The following DOP1B variants were observed in gnomAD, a reference collection of about 807,000 sequenced individuals.
DOP1B encodes the protein protein DOP1B.
A neutral mutation model predicts 233.5 loss-of-function variants in DOP1B; 174 were observed. The observed-to-expected ratio is 0.75, with a 90% CI of 0.66 to 0.85. DOP1B has a LOEUF of 0.85. Among genes scored for constraint, DOP1B ranks in the 40% least tolerant of loss-of-function variants. The pLI is 0.00. For missense variants in DOP1B, 2,652 were observed against 2,846.6 expected (o/e 0.93, Z 1.56); for synonymous variants, 1,190 against 1,185.6 (o/e 1.00, Z -0.08).
chr21:36,289,032 T>A lies in DOP1B; in HGVS notation c.6354-13T>A, dbSNP rs770312489. ...AATGAATTTATAACAAGCGTTTCTT[T>A]GCAAATTTATAGAAGCACCAACAAA... On this transcript the variant is annotated splice_polypyrimidine_tract_variant and intron_variant, in intron 34 of 36. Transcript: ENST00000691173. The A allele has an allele frequency of 2.5e-6, 4 of 1,609,902 alleles. No individual in the cohort carries two copies. The highest frequency in any genetic ancestry group is 3.4e-6 in the Non-Finnish European group (4 of 1,178,596).
In DOP1B at chr21:36,288,993, C is replaced by T. The variant is rs1170308234; in HGVS notation, c.6354-52C>T. On this transcript the variant is annotated intron_variant, in intron 34 of 36. Coordinates refer to ENST00000691173, the MANE Select transcript of DOP1B (RefSeq NM_001320714.2). ...GAGGGACAGGTCATAGGTGAATGGA[C>T]TATAACAGATCTGAATGAATTTATA... 3.1e-6 allele frequency: 5 copies of T among 1,598,512 alleles called. No individual in the cohort carries two copies. In the African/African-American group the frequency reaches 6.8e-5, roughly 22 times the overall value.
In DOP1B at chr21:36,293,850, G is replaced by A. The variant is rs1405152964; in HGVS notation, c.*279G>A. Reference sequence around the variant, plus strand: ...ATACAAAAATTAGCTGGGTGTGGTGGCGGCGCCTGTAATCCCAGCTACTTG... The same window carrying A: ...ATACAAAAATTAGCTGGGTGTGGTGACGGCGCCTGTAATCCCAGCTACTTG... On this transcript the variant is annotated 3_prime_UTR_variant, in exon 37 of 37. Transcript: ENST00000691173. 2 of 320,990 alleles carry A rather than the reference G, an allele frequency of 6.2e-6. No homozygotes were observed. Among genetic ancestry groups the A allele is most frequent in the South Asian group, 3.2e-5 (1 of 31,300 alleles). The allele number at this position is 320,990 out of a possible 1,614,324, so 19.9% of individuals were successfully genotyped here.
chr21:36,199,546 C>T (rs967701309), intron 3 of DOP1B, among the ~76,000 whole-genome samples: 1 of 152,056 alleles, frequency 6.6e-6, no homozygotes, highest in African/African-American at 2.4e-5. Context: ...ATTAACTCGT[C>T]ATTTACATTA....
chr21:36,256,569 TGTGTCTCA>T (rs1467643971), intron 23 of DOP1B, among the ~76,000 whole-genome samples: 1 of 152,202 alleles, frequency 6.6e-6, no homozygotes, highest in Non-Finnish European at 1.5e-5. Context: ...GCAATCCCTG[TGTGTCTCA>T]GTGGGTGTGC....
At chr21:36,253,638 A>C (rs544360142) in intron 22 of DOP1B, 134 bp from the exon 23 acceptor site, 38 of 242,992 alleles carry the variant, frequency 1.6e-4, no homozygotes, top group Admixed American at 1.3e-3. Context: ...ACCGTGTTTC[A>C]AAAAAAAAAA....
intron 22 of DOP1B, 27 bp downstream of exon 22, chr21:36,251,311 G>A (rs1314510589): frequency 4.4e-6 from 7 of 1,597,878 alleles, no homozygotes; most frequent in Non-Finnish European, 6.0e-6. Context: ...TACAGGAGTG[G>A]TTAAACTTAC....
chr21:36,229,879 T>C (rs2066738566), intron 13 of DOP1B, among the ~76,000 whole-genome samples: 1 of 151,844 alleles, frequency 6.6e-6, no homozygotes, highest in Non-Finnish European at 1.5e-5. Flanking sequence ...GCCATGCTGG[T>C]CTTGAGCTCC....
intron 1 of DOP1B, among the ~76,000 whole-genome samples, chr21:36,160,313 T>C (rs2065857969): frequency 6.6e-6 from 1 of 151,912 alleles, no homozygotes; most frequent in African/African-American, 2.4e-5. Flanking sequence ...GGCGGTCTTA[T>C]TTTGTGGGTG....
rs111309143 is a variant in DOP1B, at chr21:36,239,762, C to T, written c.2877-3C>T. The T allele has an allele frequency of 1.2e-3, 1,834 of 1,530,718 alleles. 21 individuals carry two copies. In the African/African-American group the frequency reaches 0.022, roughly 18 times the overall value. 94.8% of individuals were successfully genotyped at this position (1,530,718 alleles called of 1,614,324 possible). Reference sequence around the variant, plus strand: ...GAACTCACTGGTGTGTTTCCCACTGCAGGTCCTTGTTTGTCGTGCTGGACA... The same window carrying T: ...GAACTCACTGGTGTGTTTCCCACTGTAGGTCCTTGTTTGTCGTGCTGGACA... On this transcript the variant is annotated splice_polypyrimidine_tract_variant and splice_region_variant and intron_variant, in intron 17 of 36. Coordinates refer to ENST00000691173, the MANE Select transcript of DOP1B (RefSeq NM_001320714.2).
At chr21:36,256,318 G>A (rs941528113) in intron 23 of DOP1B, among the ~76,000 whole-genome samples, 1 of 152,092 alleles carries the variant, frequency 6.6e-6, no homozygotes, top group African/African-American at 2.4e-5. Flanking sequence ...GTGCACACCT[G>A]TAGTCCCAGC....
intron 18 of DOP1B, among the ~76,000 whole-genome samples, chr21:36,241,187 G>A (rs527983729): frequency 4.6e-5 from 7 of 151,876 alleles, no homozygotes; most frequent in East Asian, 1.9e-4. Flanking sequence ...CCAGCTACTC[G>A]GGAGGCTGAG....
At chr21:36,238,769 G>T (rs150586688) in intron 17 of DOP1B, 68 bp downstream of exon 17, 2 of 1,474,262 alleles carry the variant, frequency 1.4e-6, no homozygotes, top group Non-Finnish European at 1.9e-6. Context: ...CCTGCCCAAC[G>T]TGTGGGGCTG....
chr21:36,238,576 C>A, intron 16 of DOP1B, 25 bp from the exon 17 acceptor site: 4 of 1,606,252 alleles, frequency 2.5e-6, no homozygotes, highest in Non-Finnish European at 3.4e-6. Context: ...CCAAGTTCCT[C>A]ACTCCCATGT....
At chr21:36,281,133 A>G (rs1381839589) in intron 31 of DOP1B, among the ~76,000 whole-genome samples, 1 of 151,856 alleles carries the variant, frequency 6.6e-6, no homozygotes, top group Non-Finnish European at 1.5e-5. Flanking sequence ...GCGAAACCCC[A>G]TCTCTACAAA....
intron 32 of DOP1B, among the ~76,000 whole-genome samples, chr21:36,284,229 CAT>C (rs2067454243): frequency 6.7e-6 from 1 of 148,648 alleles, no homozygotes; most frequent in Non-Finnish European, 1.5e-5. Flanking sequence ...GGATTACAGG[CAT>C]GAGCCACCGT....
intron 19 of DOP1B, among the ~76,000 whole-genome samples, chr21:36,247,053 G>T (rs1482144502): frequency 2.0e-5 from 3 of 151,976 alleles, no homozygotes; most frequent in Non-Finnish European, 4.4e-5. Flanking sequence ...CTAATTTTTT[G>T]TATTTTAGTA....
chr21:36,269,989 C>T (rs1250259087), intron 26 of DOP1B, 24 bp from the exon 27 acceptor site: 1 of 1,612,522 alleles, frequency 6.2e-7, no homozygotes, highest in Admixed American at 1.7e-5. Context: ...AACTTCCTTT[C>T]CCCCTCCTCC....
chr21:36,169,217 T>C, intron 2 of DOP1B: 2 of 1,027,502 alleles, frequency 1.9e-6, no homozygotes, highest in East Asian at 2.4e-5. Flanking sequence ...TTCACCATAG[T>C]GGACAAAGCC....
Position 36,164,829 on chromosome 21 carries a change from T to C in DOP1B, c.96T>C (p.Ser32=). ...CTTTGAGAAATTTTGAGTCCTCGAGTGAATGGGCGGATCTCATATCTTCAC... is the reference window on the plus strand; with the variant it reads ...CTTTGAGAAATTTTGAGTCCTCGAGCGAATGGGCGGATCTCATATCTTCAC... The part of the protein sequence containing the change: ...EKALRNFESS[S]EWADLISSLG... The change falls in exon 2 of 37, where the codon AGT becomes AGC. Residue 32 remains serine (S), a synonymous_variant. Coordinates refer to ENST00000691173, the MANE Select transcript of DOP1B (RefSeq NM_001320714.2). 1 of 1,612,314 alleles carries C rather than the reference T, an allele frequency of 6.2e-7. No homozygotes were observed. Among genetic ancestry groups the C allele is most frequent in the Non-Finnish European group, 8.5e-7 (1 of 1,179,194 alleles).
Sources: gnomAD v4.1 joint callset for allele counts (sites outside exome capture counted in the v4.1 genomes callset) on GRCh38, gnomAD v4.1.1 for gene constraint, MANE v1.5 for transcripts, NCBI Gene and HGNC (gene_info 2026-07-23, HGNC 2026-07-21) for gene names.